Variants in PLEKHM3 observed in about 807,000 individuals in gnomAD.
The protein encoded by PLEKHM3 is pleckstrin homology domain-containing family M member 3.
Under a neutral mutation model 81.8 loss-of-function variants are expected in PLEKHM3, and 45 were observed. That is an observed-to-expected ratio of 0.55 (90% CI 0.43 to 0.71). The LOEUF (loss-of-function observed/expected upper bound fraction) is 0.71, where lower values mean the gene tolerates loss of function less well. PLEKHM3 is among the 30% of genes least tolerant of loss of function. PLEKHM3 has a pLI of 0.00. For synonymous variants in PLEKHM3, 352 were observed against 356.4 expected, an observed-to-expected ratio of 0.99 and a Z score of 0.14; for missense variants, 788 against 924.3, an observed-to-expected ratio of 0.85 and a Z score of 1.91.
At chr2:207,958,590 A>G (rs979048778) in intron 3 of PLEKHM3, among the ~76,000 whole-genome samples, 3 of 152,190 alleles carry the variant, frequency 2.0e-5, no homozygotes, top group African/African-American at 7.2e-5. Context: ...TGAAGCACTG[A>G]GAGCTTCAGG....
At chr2:207,886,180 TTAAAC>T (rs1687879420) in intron 6 of PLEKHM3, among the ~76,000 whole-genome samples, 1 of 152,150 alleles carries the variant, frequency 6.6e-6, no homozygotes, top group Non-Finnish European at 1.5e-5. Flanking sequence ...CAGGAATATT[TTAAAC>T]TAAATATATG....
At chr2:207,858,141 T>C (rs968396911) in intron 7 of PLEKHM3, among the ~76,000 whole-genome samples, 1 of 77,320 alleles carries the variant, frequency 1.3e-5, no homozygotes, top group African/African-American at 6.0e-5. Flanking sequence ...TAGATATGTG[T>C]GTGTGTGTGT....
intron 4 of PLEKHM3, among the ~76,000 whole-genome samples, chr2:207,943,372 C>T (rs1233280589): frequency 1.3e-5 from 2 of 152,184 alleles, no homozygotes; most frequent in African/African-American, 4.8e-5. Flanking sequence ...ACAGAAGGTA[C>T]ATTCAAGGCA....
chr2:207,961,737 G>A (rs1308116477), intron 3 of PLEKHM3, among the ~76,000 whole-genome samples: 2 of 152,166 alleles, frequency 1.3e-5, no homozygotes, highest in African/African-American at 4.8e-5. Flanking sequence ...GAGCAGTCCA[G>A]AGCTGGTCAG....
intron 7 of PLEKHM3, among the ~76,000 whole-genome samples, chr2:207,835,064 C>T (rs1299787742): frequency 1.3e-5 from 2 of 151,862 alleles, no homozygotes; most frequent in African/African-American, 2.4e-5. Context: ...CCTCAGCCTC[C>T]GAAGTAGCTG....
chr2:207,833,686 T>C (rs2105881688), intron 7 of PLEKHM3, among the ~76,000 whole-genome samples: 1 of 152,292 alleles, frequency 6.6e-6, no homozygotes, highest in Non-Finnish European at 1.5e-5. Flanking sequence ...CTCCTCCCAG[T>C]TGTGACAACC....
At chr2:207,844,542 G>A (rs556514132) in intron 7 of PLEKHM3, among the ~76,000 whole-genome samples, 2 of 151,392 alleles carry the variant, frequency 1.3e-5, no homozygotes, top group East Asian at 2.0e-4. Flanking sequence ...TCCTGACCTC[G>A]TGATCCACCC....
At chr2:207,846,965 T>G (rs2092386697) in intron 7 of PLEKHM3, among the ~76,000 whole-genome samples, 1 of 152,222 alleles carries the variant, frequency 6.6e-6, no homozygotes, top group African/African-American at 2.4e-5. Context: ...CAATTAGTTT[T>G]ATAGTTAGAA....
chr2:207,915,573 C>T (rs546596753), intron 5 of PLEKHM3, among the ~76,000 whole-genome samples: 101 of 152,140 alleles, frequency 6.6e-4, no homozygotes, highest in African/African-American at 2.3e-3. Flanking sequence ...GATGCACAAC[C>T]GGCATTTAAA....
At position 207,976,656 on chromosome 2, in the gene PLEKHM3, C is replaced by A; in HGVS notation, c.1541G>T (p.Cys514Phe). ...GCTGAAAATCTGCTTCATACCTGCA[C>A]ATTTGAAACTCTGAGCAGTGAGTCC... The part of the protein sequence containing the change: ...ERGLTAQSFK[C>F]AGCQRSIGLS... The change falls in exon 3 of 8, where the codon TGT becomes TTT. Residue 514 changes from cysteine (C) to phenylalanine (F), a missense_variant. By Grantham distance (205) the Cys-to-Phe change is radical. Coordinates refer to ENST00000427836, the MANE Select transcript of PLEKHM3 (RefSeq NM_001080475.3). The surrounding 1 kb of genome is among the most constrained non-coding windows in gnomAD (Gnocchi z 4.1). 6.2e-7 allele frequency: 1 copy of A among 1,612,518 alleles called. No individual in the cohort carries two copies. The highest frequency in any genetic ancestry group is 8.5e-7 in the Non-Finnish European group (1 of 1,179,044).
At chr2:207,959,730 C>T (rs761164803) in intron 3 of PLEKHM3, among the ~76,000 whole-genome samples, 38 of 152,260 alleles carry the variant, frequency 2.5e-4, no homozygotes, top group Non-Finnish European at 4.1e-4. Context: ...TCTACTTGAG[C>T]CATTTTGGTA....
intron 7 of PLEKHM3, among the ~76,000 whole-genome samples, chr2:207,838,421 C>T (rs1368054636): frequency 1.3e-5 from 2 of 152,190 alleles, no homozygotes; most frequent in Admixed American, 6.5e-5. Flanking sequence ...ATACCTTTGA[C>T]AAAAGCTTTA....
chr2:207,912,762 AG>A (rs1159327151), intron 5 of PLEKHM3, among the ~76,000 whole-genome samples: 1 of 152,240 alleles, frequency 6.6e-6, no homozygotes, highest in East Asian at 1.9e-4. Context: ...ATTTAGAAAT[AG>A]GGACTCACTC....
At chr2:207,930,866 C>CA (rs1156317068) in intron 5 of PLEKHM3, 60 bp downstream of exon 5, 10 of 1,575,810 alleles carry the variant, frequency 6.3e-6, no homozygotes, top group Non-Finnish European at 8.7e-6. Context: ...ATAATCTCAC[C>CA]ACCCTCCGTG....
At chr2:207,942,922 G>A (rs548927714) in intron 4 of PLEKHM3, among the ~76,000 whole-genome samples, 1 of 152,116 alleles carries the variant, frequency 6.6e-6, no homozygotes, top group African/African-American at 2.4e-5. Flanking sequence ...AAATAAAGAA[G>A]GCAGGCAGGC....
intron 1 of PLEKHM3, among the ~76,000 whole-genome samples, chr2:208,003,947 T>C (rs992710684): frequency 1.3e-5 from 2 of 152,260 alleles, no homozygotes; most frequent in African/African-American, 2.4e-5. Context: ...AAGTTGTTAA[T>C]TGAAGATTAC....
chr2:207,928,019 A>G (rs1220003365), intron 5 of PLEKHM3, among the ~76,000 whole-genome samples: 1 of 152,200 alleles, frequency 6.6e-6, no homozygotes, highest in Non-Finnish European at 1.5e-5. Flanking sequence ...AAAAAATTCA[A>G]TAACATCCCC....
At chr2:207,938,838 A>G (rs1392446140) in intron 4 of PLEKHM3, among the ~76,000 whole-genome samples, 2 of 152,294 alleles carry the variant, frequency 1.3e-5, no homozygotes, top group South Asian at 4.1e-4. Flanking sequence ...GACCACCAAA[A>G]CAAAACATCC....
At chr2:207,894,494 C>G (rs1326937841) in intron 6 of PLEKHM3, among the ~76,000 whole-genome samples, 1 of 147,976 alleles carries the variant, frequency 6.8e-6, no homozygotes, top group Non-Finnish European at 1.5e-5. Context: ...TTTCTTTCCC[C>G]ACCTTTGCCC....
Sources: allele counts gnomAD v4.1 joint callset (sites outside exome capture counted in the v4.1 genomes callset), GRCh38; gene constraint gnomAD v4.1.1; non-coding constraint Gnocchi (gnomAD v3.1); transcripts MANE v1.5; gene names NCBI Gene and HGNC (gene_info 2026-07-23, HGNC 2026-07-21).